GIT2: variants seen among roughly 807,000 people sequenced by gnomAD.
The protein encoded by GIT2 is GIT ArfGAP 2.
A neutral mutation model predicts 100.3 loss-of-function variants in GIT2; 32 were observed. That is an observed-to-expected ratio of 0.32 (90% CI 0.24 to 0.43). The LOEUF (loss-of-function observed/expected upper bound fraction) is 0.43, where lower values mean the gene tolerates loss of function less well. GIT2 is among the 20% of genes least tolerant of loss of function. The pLI, the probability that GIT2 is intolerant of heterozygous loss-of-function variation, is 1.00. For missense variants in GIT2, 737 were observed against 975.1 expected (o/e 0.76, Z 3.25); for synonymous variants, 353 against 364.1 (o/e 0.97, Z 0.35).
Position 109,938,159 on chromosome 12 carries a change from C to T in GIT2, c.2003+221G>A, listed in dbSNP as rs558725081. On this transcript the variant is annotated intron_variant, in intron 18 of 19. Transcript: ENST00000355312. The stretch of plus-strand genomic sequence containing the variant: ...TCCTGTTTCTAGAGGCATTTATTTT[C>T]GGAGCTTCGTAACAAGATGAAAAAA... 4.9e-4 allele frequency among the ~76,000 whole-genome samples: 75 copies of T among 152,148 alleles called. 1 individual carries two copies. The highest frequency in any genetic ancestry group is 1.6e-3 in the African/African-American group (66 of 41,516).
chr12:109,945,341 C>T lies in GIT2; in HGVS notation c.1650G>A (p.Arg550=). ...ATGAAGAGGAGGTCACAAGTGCACTCCTCCCGATCTGGAATGGGAAAGAGA... is the reference window on the plus strand; with the variant it reads ...ATGAAGAGGAGGTCACAAGTGCACTTCTCCCGATCTGGAATGGGAAAGAGA... The part of the protein sequence containing the change: ...RLQPFPAHIG[R]SALVTSSSSL... Residue 550 remains arginine, a synonymous_variant, in exon 16 of 20, where the codon AGG becomes AGA. Transcript: ENST00000355312. 1.3e-6 allele frequency: 2 copies of T among 1,504,760 alleles called. No homozygotes were observed. The highest frequency in any genetic ancestry group is 4.5e-5 in the East Asian group (2 of 44,268). 93.2% of individuals were successfully genotyped at this position (1,504,760 alleles called of 1,614,324 possible).
rs368591641 is a variant in GIT2 at position 109,967,619 on chromosome 12, C to T, written c.719-116G>A. 1.4e-3 allele frequency: 1,033 copies of T among 752,894 alleles called. 16 individuals are homozygous for T. The highest frequency in any genetic ancestry group is 0.012 in the South Asian group (763 of 65,292). 46.6% of individuals were successfully genotyped at this position (752,894 alleles called of 1,614,324 possible). On this transcript the variant is annotated intron_variant, in intron 7 of 19. Transcript: ENST00000355312. ...TGCGATTAGTATTTGTGCATAATGA[C>T]GAGTCATGTTGCTAGACTAGCTAAA...
chr12:109,988,832 AAC>A, intron 4 of GIT2, 129 bp downstream of exon 4: 1 of 562,398 alleles, frequency 1.8e-6, no homozygotes, highest in Non-Finnish European at 3.1e-6. Context: ...CCGCCTGGGT[AAC>A]AGAGACTCTG....
intron 7 of GIT2, among the ~76,000 whole-genome samples, chr12:109,976,434 A>C (rs1885073152): frequency 6.6e-6 from 1 of 151,262 alleles, no homozygotes; most frequent in South Asian, 2.1e-4. Context: ...ACAGGCGCCC[A>C]CCACCACGCC....
At chr12:109,991,566 A>G in intron 2 of GIT2, 61 bp downstream of exon 2, 2 of 1,365,596 alleles carry the variant, frequency 1.5e-6, no homozygotes, top group South Asian at 2.4e-5. Flanking sequence ...AATTTAAGTT[A>G]TTAACATGAT....
chr12:109,945,101 G>A (rs1441122672), intron 16 of GIT2, among the ~76,000 whole-genome samples, 159 bp downstream of exon 16: 2 of 152,268 alleles, frequency 1.3e-5, no homozygotes, highest in African/African-American at 2.4e-5. Context: ...GCATGTGGAC[G>A]AGTGTGAGCC....
intron 6 of GIT2, 47 bp downstream of exon 6, chr12:109,983,326 C>T: frequency 6.3e-7 from 1 of 1,587,546 alleles, no homozygotes; most frequent in Non-Finnish European, 8.6e-7. Context: ...GAATCACACC[C>T]AACAAAAAAA....
intron 14 of GIT2, 116 bp downstream of exon 14, chr12:109,951,051 C>A: frequency 1.1e-6 from 1 of 895,956 alleles, no homozygotes; most frequent in Non-Finnish European, 1.8e-6. Context: ...CCAAAGATTT[C>A]TAAGGCTGTT....
Position 109,932,872 on chromosome 12 carries a change from C to A in GIT2, c.*106G>T. 1.6e-5 allele frequency: 11 copies of A among 706,568 alleles called. No homozygotes were observed. The highest frequency in any genetic ancestry group is 2.5e-5 in the Non-Finnish European group (10 of 402,258). 43.8% of individuals were successfully genotyped at this position (706,568 alleles called of 1,614,324 possible). A position where few individuals can be genotyped will look rare whatever the true frequency, so the allele number is the denominator to read the frequency against. On this transcript the variant is annotated 3_prime_UTR_variant, in exon 20 of 20. Transcript: ENST00000355312. ...AGTTTTCTTTTAAAAAGTTTTAAAC[C>A]GTCATTAAATGTTTCTTTTTGTAGA... is the stretch of plus-strand genomic sequence containing the variant.
chr12:109,977,240 A>T (rs1005367044), intron 7 of GIT2, among the ~76,000 whole-genome samples: 5 of 152,168 alleles, frequency 3.3e-5, no homozygotes, highest in African/African-American at 1.2e-4. Context: ...ATAATAATAA[A>T]AAAGGAGCAG....
chr12:109,981,423 G>A lies in GIT2; in HGVS notation c.624-377C>T, dbSNP rs985830419. On this transcript the variant is annotated intron_variant, in intron 6 of 19. Coordinates refer to ENST00000355312, the MANE Select transcript of GIT2 (RefSeq NM_057169.5). ...ATTTCTAGAAATATACCATGTGCAG[G>A]CCCCACCCTTGGAAATTCTGAATCA... 1.5e-5 allele frequency: 3 copies of A among 201,182 alleles called. No individual in the cohort carries two copies. The East Asian group carries it at 4.4e-4, about 30-fold the overall frequency. The allele number at this position is 201,182 out of a possible 1,614,324, so 12.5% of individuals were successfully genotyped here. A position where few individuals can be genotyped will look rare whatever the true frequency, so the allele number is the denominator to read the frequency against.
intron 9 of GIT2, among the ~76,000 whole-genome samples, chr12:109,964,481 C>T (rs1006762685): frequency 2.0e-5 from 3 of 151,926 alleles, no homozygotes; most frequent in Non-Finnish European, 2.9e-5. Context: ...TTGGGAAAGC[C>T]GCTACCTACA....
In GIT2 at chr12:109,932,736, T is replaced by G; in HGVS notation, c.*242A>C. 2.1e-6 allele frequency: 1 copy of G among 469,960 alleles called. No individual in the cohort carries two copies. Among genetic ancestry groups the G allele is most frequent in the Non-Finnish European group, 3.9e-6 (1 of 259,176 alleles). The allele number at this position is 469,960 out of a possible 1,614,324, so 29.1% of individuals were successfully genotyped here. Reference sequence around the variant, plus strand: ...TGGATGTATGTGATCAACTCAACAGTTGTTGACAACACAACCGAACATCAG... The same window carrying G: ...TGGATGTATGTGATCAACTCAACAGGTGTTGACAACACAACCGAACATCAG... On this transcript the variant is annotated 3_prime_UTR_variant, in exon 20 of 20. Transcript: ENST00000355312.
chr12:109,965,667 T>A, intron 8 of GIT2, 90 bp from the exon 9 acceptor site: 1 of 872,542 alleles, frequency 1.1e-6, no homozygotes, highest in Non-Finnish European at 1.9e-6. Flanking sequence ...ATAAAAATAT[T>A]AATTACAGTT....
chr12:109,961,657 G>T lies in GIT2; in HGVS notation c.845C>A (p.Ala282Asp). Residue 282 changes from alanine to aspartate, a missense_variant, in exon 10 of 20, where the codon GCC (alanine) becomes GAC (aspartate). Transcript: ENST00000355312. ...SLSNHLFEELAMDVYDEVDRR... is the reference protein window; with the variant it reads ...SLSNHLFEELDMDVYDEVDRR... ...GTCAACTTCATCGTACACATCCATG[G>T]CAAGTTCTTCAAACAAATGATTACT... 6.2e-7 allele frequency: 1 copy of T among 1,604,298 alleles called. No individual in the cohort carries two copies. Among genetic ancestry groups the T allele is most frequent in the Non-Finnish European group, 8.5e-7 (1 of 1,171,374 alleles).
chr12:109,933,755 C>T lies in GIT2; in HGVS notation c.2067+267G>A, dbSNP rs546862509. ...TAGCTGGGATTACAGGCATGCACCA[C>T]CACGCCTGACTAATTTTGTATTTTT... On this transcript the variant is annotated intron_variant, in intron 19 of 19. Transcript: ENST00000355312. This position sits in a 1 kb window ranked among gnomAD's most constrained non-coding sequence, Gnocchi z 4.5. The T allele has an allele frequency of 1.1e-5, 4 of 376,474 alleles. No individual in the cohort carries two copies. The highest frequency in any genetic ancestry group is 4.2e-5 in the African/African-American group (2 of 48,118). 23.3% of individuals were successfully genotyped at this position (376,474 alleles called of 1,614,324 possible).
chr12:109,976,073 T>C (rs1884959682), intron 7 of GIT2, among the ~76,000 whole-genome samples: 1 of 150,950 alleles, frequency 6.6e-6, no homozygotes. Flanking sequence ...TGGCTTGTAG[T>C]CTTCTTTCAG....
At chr12:109,971,888 G>A (rs1039603564) in intron 7 of GIT2, among the ~76,000 whole-genome samples, 3 of 151,838 alleles carry the variant, frequency 2.0e-5, no homozygotes, top group Non-Finnish European at 4.4e-5. Flanking sequence ...CAGCTACATG[G>A]GAGGCTGAGG....
chr12:109,965,432 C>A, intron 9 of GIT2, 94 bp downstream of exon 9: 1 of 711,228 alleles, frequency 1.4e-6, no homozygotes, highest in South Asian at 1.8e-5. Context: ...GAAATAAAGT[C>A]ATCAGACGCA....
Sources: gnomAD v4.1 joint callset for allele counts (sites outside exome capture counted in the v4.1 genomes callset) on GRCh38, gnomAD v4.1.1 for gene constraint, Gnocchi (gnomAD v3.1) non-coding constraint, MANE v1.5 for transcripts, NCBI Gene and HGNC (gene_info 2026-07-23, HGNC 2026-07-21) for gene names.